PRAG1: variants seen among roughly 807,000 people sequenced by gnomAD.
PRAG1 encodes the protein PEAK1 related, kinase-activating pseudokinase 1.
Under a neutral mutation model 95.6 loss-of-function variants are expected in PRAG1, and 110 were observed. That is an observed-to-expected ratio of 1.15 (90% CI 0.99 to 1.35). PRAG1 has a LOEUF of 1.35. Ranked by LOEUF, PRAG1 falls within the 40% of genes most tolerant of loss-of-function variation. PRAG1 has a pLI of 0.00. For synonymous variants in PRAG1, 1,052 were observed against 819.4 expected, an observed-to-expected ratio of 1.28 and a Z score of -4.85; for missense variants, 2,554 against 1,864.7, an observed-to-expected ratio of 1.37 and a Z score of -6.81.
intron 3 of PRAG1, among the ~76,000 whole-genome samples, chr8:8,353,061 T>C (rs1207539808): frequency 6.6e-6 from 1 of 152,112 alleles, no homozygotes; most frequent in Non-Finnish European, 1.5e-5. Context: ...AGTATCTAAA[T>C]ATAAAAAGCA....
At chr8:8,385,602 G>A (rs992653956) in intron 1 of PRAG1, among the ~76,000 whole-genome samples, 1 of 152,208 alleles carries the variant, frequency 6.6e-6, no homozygotes, top group Non-Finnish European at 1.5e-5. Flanking sequence ...CTCGCCCCTA[G>A]ACCATTGGGC....
chr8:8,376,505 C>G lies in PRAG1; in HGVS notation c.1904G>C (p.Arg635Pro). ...CTCTTCTTCCTCTATCCGGCACTGA[C>G]GACTCCAGGTGCCTGCCTGGAACCT... Reference protein sequence around the residue: ...RPRFQAGTWSRQCRIEEEEEV... With the variant: ...RPRFQAGTWSPQCRIEEEEEV... The change falls in exon 3 of 6, where the codon CGT becomes CCT. Residue 635 changes from arginine to proline, a missense_variant. Physicochemically the swap from Arg to Pro is moderately radical, Grantham distance 103. Transcript: ENST00000615670. 1 of 1,611,564 alleles carries G rather than the reference C, an allele frequency of 6.2e-7. No individual in the cohort carries two copies. Among genetic ancestry groups the G allele is most frequent in the South Asian group, 1.1e-5 (1 of 90,756 alleles).
intron 3 of PRAG1, among the ~76,000 whole-genome samples, chr8:8,357,760 T>C (rs1181476631): frequency 1.3e-5 from 2 of 152,212 alleles, no homozygotes; most frequent in Non-Finnish European, 2.9e-5. Flanking sequence ...GCAGTATTAT[T>C]CACAGTAGCC....
intron 3 of PRAG1, among the ~76,000 whole-genome samples, chr8:8,359,279 G>C (rs1170132633): frequency 2.0e-5 from 3 of 152,154 alleles, no homozygotes; most frequent in South Asian, 2.1e-4. Context: ...TTCTGAATAA[G>C]GTGGAGGAGA....
At chr8:8,345,048 T>G (rs1021602416) in intron 3 of PRAG1, among the ~76,000 whole-genome samples, 22 of 56,966 alleles carry the variant, frequency 3.9e-4, no homozygotes, top group African/African-American at 1.2e-3. Flanking sequence ...ATCCGCAGGG[T>G]GTGTGTGTGT....
In PRAG1 at chr8:8,328,346, G is replaced by T. The variant is rs1798712769; in HGVS notation, c.2436C>A (p.Pro812=). 5 of 1,613,458 alleles carry T rather than the reference G, an allele frequency of 3.1e-6. No homozygotes were observed. The highest frequency in any genetic ancestry group is 4.2e-6 in the Non-Finnish European group (5 of 1,179,870). ...CTATCTTTTTCTGGGGGAGTGGAGG[G>T]GGCTGCTGGGGGCCACTGGGGGACA... The part of the protein sequence containing the change: ...EDVSPSGPQQ[P]PPLPQKKIVS... Residue 812 remains proline, a synonymous_variant, in exon 5 of 6, where the codon CCC becomes CCA. Coordinates refer to ENST00000615670, the MANE Select transcript of PRAG1 (RefSeq NM_001080826.3).
Position 8,376,941 on chromosome 8 carries a change from G to A in PRAG1, c.1468C>T (p.Leu490=), listed in dbSNP as rs1351574027. The A allele has an allele frequency of 1.2e-6, 2 of 1,613,328 alleles. No individual in the cohort carries two copies. Among genetic ancestry groups the A allele is most frequent in the East Asian group, 2.2e-5 (1 of 44,896 alleles). Residue 490 remains leucine, a synonymous_variant, in exon 3 of 6, where the codon CTG becomes TTG. Coordinates refer to ENST00000615670, the MANE Select transcript of PRAG1 (RefSeq NM_001080826.3). Reference sequence around the variant, plus strand: ...CCCACTGCAGAGTCAGGGCTGCTCAGGTAGATCGTCCGATGGTCCTCTTCC... The same window carrying A: ...CCCACTGCAGAGTCAGGGCTGCTCAAGTAGATCGTCCGATGGTCCTCTTCC... ...HPEEDHRTIY[L]SSPDSAVGVQ...
chr8:8,323,586 A>G (rs1181502264), intron 5 of PRAG1, among the ~76,000 whole-genome samples: 2 of 152,070 alleles, frequency 1.3e-5, no homozygotes, highest in Non-Finnish European at 1.5e-5. Context: ...GGCCTCCCAA[A>G]GTGCTGGAAT....
At chr8:8,329,815 G>A (rs1319651930) in intron 4 of PRAG1, among the ~76,000 whole-genome samples, 2 of 152,272 alleles carry the variant, frequency 1.3e-5, no homozygotes, top group East Asian at 1.9e-4. Flanking sequence ...CAGGGAGGAG[G>A]GTCTCTCTAG....
At chr8:8,373,454 A>ATTGTTTTTTTTTTTTTTTTT (rs1470559658) in intron 3 of PRAG1, among the ~76,000 whole-genome samples, 25 of 138,328 alleles carry the variant, frequency 1.8e-4, no homozygotes, top group South Asian at 4.8e-4. Context: ...TATTTTCTAG[A>ATTGTTTTTTTTTTTTTTTTT]TTTTTTTTTT....
At position 8,339,430 on chromosome 8, in the gene PRAG1, G is replaced by A. The variant is rs774649077; in HGVS notation, c.2320+48C>T. On this transcript the variant is annotated intron_variant, in intron 4 of 5. Transcript: ENST00000615670. Reference sequence around the variant, plus strand: ...CCGCAAGCAACGCAGGACTGGTCTTGAAGGTCCAGGAGAATCTAAGCCTCT... The same window carrying A: ...CCGCAAGCAACGCAGGACTGGTCTTAAAGGTCCAGGAGAATCTAAGCCTCT... The A allele has an allele frequency of 1.3e-5, 20 of 1,596,852 alleles. No individual in the cohort carries two copies. The East Asian group carries it at 4.3e-4, about 34-fold the overall frequency.
intron 5 of PRAG1, among the ~76,000 whole-genome samples, chr8:8,321,490 G>T (rs909479269): frequency 1.1e-4 from 16 of 152,302 alleles, no homozygotes; most frequent in Admixed American, 2.6e-4. Context: ...TTGCATATAC[G>T]CTGTGTTGTC....
intron 3 of PRAG1, among the ~76,000 whole-genome samples, chr8:8,367,800 C>A (rs1376167407): frequency 4.6e-5 from 7 of 152,116 alleles, no homozygotes; most frequent in Non-Finnish European, 1.0e-4. Context: ...TGCCACCATG[C>A]CCAGCTAATT....
chr8:8,369,862 A>G (rs1028710453), intron 3 of PRAG1, among the ~76,000 whole-genome samples: 2 of 152,134 alleles, frequency 1.3e-5, no homozygotes, highest in Non-Finnish European at 2.9e-5. Flanking sequence ...TCCAGGTCCT[A>G]TAAGAACCTG....
intron 3 of PRAG1, among the ~76,000 whole-genome samples, chr8:8,365,658 G>A (rs977400595): frequency 6.6e-6 from 1 of 151,000 alleles, no homozygotes; most frequent in Non-Finnish European, 1.5e-5. Context: ...TATGCAACAA[G>A]CCAAAGAGAA....
Position 8,318,718 on chromosome 8 carries a change from C to T in PRAG1, c.3657G>A (p.Lys1219=). 1.2e-6 allele frequency: 2 copies of T among 1,609,438 alleles called. No individual in the cohort carries two copies. The highest frequency in any genetic ancestry group is 1.7e-6 in the Non-Finnish European group (2 of 1,178,420). ...GGGTGCCGCCCGGCTTCTGCTTGGC[C>T]TTCAAAAAGTTGCTGATGATGAGCC... ...LPRLIISNFL[K]AKQKPGGTPN... The change falls in exon 6 of 6, where the codon AAG becomes AAA. Residue 1219 remains lysine (K), a synonymous_variant. Coordinates refer to ENST00000615670, the MANE Select transcript of PRAG1 (RefSeq NM_001080826.3). The surrounding 1 kb of genome is among the most constrained non-coding windows in gnomAD (Gnocchi z 4.2).
intron 1 of PRAG1, among the ~76,000 whole-genome samples, chr8:8,382,054 G>C (rs1254531364): frequency 1.3e-5 from 2 of 152,162 alleles, no homozygotes; most frequent in Non-Finnish European, 2.9e-5. Context: ...ACATAGCCTT[G>C]TTGCTTTAAA....
chr8:8,348,630 C>T lies in PRAG1; in HGVS notation c.2163-8995G>A, dbSNP rs558151401. Among the ~76,000 whole-genome samples, 10 of 152,188 alleles carry T rather than the reference C, an allele frequency of 6.6e-5. 1 individual carries two copies. The East Asian group carries it at 1.6e-3, about 24-fold the overall frequency. On this transcript the variant is annotated intron_variant, in intron 3 of 5. Transcript: ENST00000615670. ...TCCTAACTGTGGCTCAGAGGAAATGCTCCTCTCTCCCTTTCAAACCATCTC... is the reference window on the plus strand; with the variant it reads ...TCCTAACTGTGGCTCAGAGGAAATGTTCCTCTCTCCCTTTCAAACCATCTC...
chr8:8,344,872 C>T (rs1799281848), intron 3 of PRAG1, among the ~76,000 whole-genome samples: 1 of 152,184 alleles, frequency 6.6e-6, no homozygotes. Context: ...CACCACAGAG[C>T]ACCCCTGTGG....
Sources: gnomAD v4.1 joint callset for allele counts (sites outside exome capture counted in the v4.1 genomes callset) on GRCh38, gnomAD v4.1.1 for gene constraint, Gnocchi (gnomAD v3.1) non-coding constraint, MANE v1.5 for transcripts, NCBI Gene and HGNC (gene_info 2026-07-23, HGNC 2026-07-21) for gene names.